CSMD1: variants seen among roughly 807,000 people sequenced by gnomAD.
The protein encoded by CSMD1 is CUB and sushi domain-containing protein 1.
CSMD1 carries 213 observed loss-of-function variants against 417.5 expected under a neutral mutation model. The observed-to-expected ratio is 0.51, with a 90% CI of 0.46 to 0.57. The LOEUF is 0.57. Among genes scored for constraint, CSMD1 ranks in the 20% least tolerant of loss-of-function variants. The pLI is 0.00. For missense variants in CSMD1, 6,923 were observed against 4,529.7 expected (o/e 1.53, Z -15.17); for synonymous variants, 2,862 against 1,736.8 (o/e 1.65, Z -16.11).
chr8:4,810,918 C>T (rs749699179), intron 1 of CSMD1, among the ~76,000 whole-genome samples: 3 of 152,084 alleles, frequency 2.0e-5, no homozygotes, highest in Non-Finnish European at 4.4e-5. Context: ...GCTACCTCTC[C>T]TGAAATATGA....
intron 4 of CSMD1, among the ~76,000 whole-genome samples, chr8:4,027,065 C>G (rs1282738799): frequency 6.6e-6 from 1 of 152,182 alleles, no homozygotes; most frequent in Admixed American, 6.5e-5. Flanking sequence ...AGATAGTTCT[C>G]AGGCCAGCCA....
chr8:4,294,350 T>A (rs892982866), intron 3 of CSMD1, among the ~76,000 whole-genome samples: 1 of 152,200 alleles, frequency 6.6e-6, no homozygotes, highest in South Asian at 2.1e-4. Flanking sequence ...AAACCCAAGA[T>A]TCTAGAGACA....
intron 3 of CSMD1, among the ~76,000 whole-genome samples, chr8:4,360,467 C>G (rs4875097): frequency 0.79 from 119,579 of 152,022 alleles, 47,393 homozygotes; most frequent in African/African-American, 0.89. Context: ...ATCATAACCT[C>G]TTTTTTCTTG....
At chr8:4,397,671 A>C (rs1424345688) in intron 3 of CSMD1, among the ~76,000 whole-genome samples, 1 of 151,834 alleles carries the variant, frequency 6.6e-6, no homozygotes, top group Non-Finnish European at 1.5e-5. Flanking sequence ...AAATTGCGGC[A>C]GTAAGATGAA....
intron 1 of CSMD1, among the ~76,000 whole-genome samples, chr8:4,727,036 A>C (rs753422065): frequency 6.6e-6 from 1 of 152,170 alleles, no homozygotes; most frequent in Non-Finnish European, 1.5e-5. Flanking sequence ...AGGTCATCCA[A>C]CTGTTTTCTA....
At chr8:4,149,353 A>G (rs987917532) in intron 3 of CSMD1, among the ~76,000 whole-genome samples, 4 of 152,216 alleles carry the variant, frequency 2.6e-5, no homozygotes, top group African/African-American at 9.6e-5. Flanking sequence ...TGCATTTCTA[A>G]AAAGATACAC....
intron 3 of CSMD1, among the ~76,000 whole-genome samples, chr8:4,064,784 C>G (rs1056047553): frequency 6.6e-6 from 1 of 152,170 alleles, no homozygotes; most frequent in Non-Finnish European, 1.5e-5. Context: ...CATTTAGAAA[C>G]AGCCTTCCTG....
At chr8:4,344,379 T>A (rs1800658222) in intron 3 of CSMD1, among the ~76,000 whole-genome samples, 1 of 152,096 alleles carries the variant, frequency 6.6e-6, no homozygotes, top group South Asian at 2.1e-4. Flanking sequence ...TCCCATACGC[T>A]CAAGCTCAGA....
chr8:4,039,191 T>G (rs1797764121), intron 3 of CSMD1, among the ~76,000 whole-genome samples: 1 of 152,198 alleles, frequency 6.6e-6, no homozygotes, highest in Admixed American at 6.5e-5. Flanking sequence ...TCATCTGGAA[T>G]CTAGGTCCCT....
intron 10 of CSMD1, among the ~76,000 whole-genome samples, chr8:3,553,807 C>G (rs1247403232): frequency 6.6e-6 from 1 of 152,104 alleles, no homozygotes; most frequent in East Asian, 1.9e-4. Flanking sequence ...AATAATTTCA[C>G]AGAATATTTA....
intron 3 of CSMD1, among the ~76,000 whole-genome samples, chr8:4,380,638 A>G (rs1803041035): frequency 6.6e-6 from 1 of 152,204 alleles, no homozygotes; most frequent in Non-Finnish European, 1.5e-5. Context: ...TAGTCATTAA[A>G]GTGTCAATAT....
At chr8:3,941,727 C>G (rs1364972763) in intron 5 of CSMD1, among the ~76,000 whole-genome samples, 1 of 152,120 alleles carries the variant, frequency 6.6e-6, no homozygotes, top group East Asian at 1.9e-4. Context: ...TATTTTTTAA[C>G]TACAGAGCTA....
chr8:3,203,626 C>G (rs1017021620), intron 31 of CSMD1, among the ~76,000 whole-genome samples: 1 of 152,128 alleles, frequency 6.6e-6, no homozygotes, highest in African/African-American at 2.4e-5. Context: ...AAAAAACAAA[C>G]AGGGGGATTG....
intron 28 of CSMD1, among the ~76,000 whole-genome samples, chr8:3,220,340 T>C (rs1482079225): frequency 6.6e-6 from 1 of 152,152 alleles, no homozygotes; most frequent in Non-Finnish European, 1.5e-5. Flanking sequence ...AATATTAACA[T>C]ACAGTCAGTC....
intron 3 of CSMD1, among the ~76,000 whole-genome samples, chr8:4,238,367 A>G (rs1802191840): frequency 6.6e-6 from 1 of 152,184 alleles, no homozygotes; most frequent in Non-Finnish European, 1.5e-5. Flanking sequence ...GGACTGGGGC[A>G]GCCCAAAGCA....
At chr8:4,248,287 C>T (rs2128828627) in intron 3 of CSMD1, among the ~76,000 whole-genome samples, 1 of 152,222 alleles carries the variant, frequency 6.6e-6, no homozygotes, top group African/African-American at 2.4e-5. Context: ...ATTCTTTATA[C>T]AAACAATCTG....
chr8:2,945,989 C>CT (rs1194346918), intron 68 of CSMD1, among the ~76,000 whole-genome samples: 2 of 152,156 alleles, frequency 1.3e-5, no homozygotes, highest in Non-Finnish European at 2.9e-5. Context: ...CTGAGAAATG[C>CT]TTCGTGAGGC....
At chr8:3,602,654 T>A (rs1182439052) in intron 8 of CSMD1, among the ~76,000 whole-genome samples, 4 of 151,934 alleles carry the variant, frequency 2.6e-5, no homozygotes, top group African/African-American at 9.7e-5. Context: ...GGTGTTATAA[T>A]TCTAATGTAT....
chr8:4,677,439 C>A (rs1287866540), intron 1 of CSMD1, among the ~76,000 whole-genome samples: 1 of 151,920 alleles, frequency 6.6e-6, no homozygotes, highest in Non-Finnish European at 1.5e-5. Flanking sequence ...GTTCTCTCTC[C>A]AACCTTGTTT....
Sources: gnomAD v4.1 joint callset for allele counts (sites outside exome capture counted in the v4.1 genomes callset) on GRCh38, gnomAD v4.1.1 for gene constraint, MANE v1.5 for transcripts, NCBI Gene and HGNC (gene_info 2026-07-23, HGNC 2026-07-21) for gene names.